RBFOX1: variants seen among roughly 807,000 people sequenced by gnomAD.
RBFOX1 encodes RNA binding fox-1 homolog 1.
Under a neutral mutation model 57.7 loss-of-function variants are expected in RBFOX1, and 8 were observed. The ratio of observed to expected loss-of-function variants is 0.14; its 90% confidence interval spans 0.08 to 0.25. The LOEUF (loss-of-function observed/expected upper bound fraction) is 0.25, where lower values mean the gene tolerates loss of function less well. Among genes scored for constraint, RBFOX1 ranks in the 10% least tolerant of loss-of-function variants. The pLI, the probability that RBFOX1 is intolerant of heterozygous loss-of-function variation, is 1.00. For synonymous variants in RBFOX1, 326 were observed against 222.4 expected (o/e 1.47, Z -4.15); for missense variants, 611 against 548.5 (o/e 1.11, Z -1.14).
At chr16:5,358,839 A>G (rs1287311172) in intron 1 of RBFOX1, among the ~76,000 whole-genome samples, 2 of 152,174 alleles carry the variant, frequency 1.3e-5, no homozygotes, top group Non-Finnish European at 2.9e-5. Context: ...AAAAAAAGAA[A>G]AAAAGTGCAA....
At chr16:6,595,884 T>A (rs1164466661) in intron 2 of RBFOX1, among the ~76,000 whole-genome samples, 1 of 152,206 alleles carries the variant, frequency 6.6e-6, no homozygotes, top group Non-Finnish European at 1.5e-5. Context: ...AAAAAAATAC[T>A]TCGCCAACTT....
chr16:5,294,506 G>A (rs946954800), intron 1 of RBFOX1, among the ~76,000 whole-genome samples: 1 of 151,992 alleles, frequency 6.6e-6, no homozygotes, highest in Non-Finnish European at 1.5e-5. Context: ...TCTAACAACC[G>A]GCTGCCTCAA....
chr16:7,327,795 C>A (rs2096630603), intron 4 of RBFOX1, among the ~76,000 whole-genome samples: 6 of 142,586 alleles, frequency 4.2e-5, no homozygotes, highest in Admixed American at 3.4e-4. Flanking sequence ...ATGAGATGCC[C>A]CCATTAAACA....
intron 1 of RBFOX1, among the ~76,000 whole-genome samples, chr16:6,220,433 A>G (rs1487497245): frequency 6.6e-6 from 1 of 152,222 alleles, no homozygotes; most frequent in Non-Finnish European, 1.5e-5. Flanking sequence ...AGAGAAAAGG[A>G]GGAATTATAC....
chr16:6,940,808 G>A (rs910300673), intron 3 of RBFOX1, among the ~76,000 whole-genome samples: 3 of 125,954 alleles, frequency 2.4e-5, no homozygotes, highest in Non-Finnish European at 3.4e-5. Flanking sequence ...GTGTGTGTGT[G>A]TGTAGCTGGG....
chr16:6,995,933 A>G (rs1390362929), intron 3 of RBFOX1, among the ~76,000 whole-genome samples: 1 of 152,160 alleles, frequency 6.6e-6, no homozygotes, highest in Non-Finnish European at 1.5e-5. Flanking sequence ...GGAAAAAACA[A>G]CCCAGTTCCT....
intron 2 of RBFOX1, among the ~76,000 whole-genome samples, chr16:6,448,396 A>G (rs776313319): frequency 1.3e-5 from 2 of 151,838 alleles, no homozygotes; most frequent in Non-Finnish European, 2.9e-5. Context: ...TGACCTTGTG[A>G]TCTGCCCGCC....
chr16:7,221,818 T>G (rs991770288), intron 4 of RBFOX1, among the ~76,000 whole-genome samples: 1 of 152,212 alleles, frequency 6.6e-6, no homozygotes, highest in Non-Finnish European at 1.5e-5. Context: ...AGAAAGCACA[T>G]ACAGAGGCCT....
chr16:6,946,739 A>G (rs530211275), intron 3 of RBFOX1, among the ~76,000 whole-genome samples: 41 of 152,174 alleles, frequency 2.7e-4, no homozygotes, highest in Middle Eastern at 3.4e-3. Flanking sequence ...AATAGCTGGG[A>G]CTACAGACTC....
At chr16:6,677,974 T>C (rs2058029340) in intron 3 of RBFOX1, among the ~76,000 whole-genome samples, 1 of 152,226 alleles carries the variant, frequency 6.6e-6, no homozygotes, top group Non-Finnish European at 1.5e-5. Flanking sequence ...AGAAATATAA[T>C]GTCAAACATA....
intron 1 of RBFOX1, among the ~76,000 whole-genome samples, chr16:5,240,429 G>A (rs1033269717): frequency 5.0e-4 from 76 of 152,256 alleles, no homozygotes; most frequent in East Asian, 3.9e-4. Context: ...GTTGCGCTGG[G>A]CATCCTGTCT....
rs184560725 is a variant in RBFOX1 at position 6,997,810 on chromosome 16, C to G, written c.-15-54247C>G. Among the ~76,000 whole-genome samples, 218 of 152,178 alleles carry G rather than the reference C, an allele frequency of 1.4e-3. 1 individual carries two copies. The highest frequency in any genetic ancestry group is 5.0e-3 in the African/African-American group (208 of 41,516). On this transcript the variant is annotated intron_variant, in intron 3 of 15. Transcript: ENST00000550418. ...TGTTTCTCTGAGGTAGGGTTTCTTG[C>G]TCTGTTAGTGCAAATAATTTGTCTT...
chr16:5,823,680 G>A (rs1050489719), intron 3 of RBFOX1, among the ~76,000 whole-genome samples: 1 of 152,084 alleles, frequency 6.6e-6, no homozygotes, highest in African/African-American at 2.4e-5. Context: ...TATCATAGGA[G>A]TGCAAATCCT....
chr16:5,512,736 A>T (rs1411463935), intron 2 of RBFOX1, among the ~76,000 whole-genome samples: 3 of 152,212 alleles, frequency 2.0e-5, no homozygotes, highest in Admixed American at 6.5e-5. Context: ...CTCTTGTGAC[A>T]CGTTCGTCAT....
chr16:6,481,067 A>G (rs146998675), intron 2 of RBFOX1, among the ~76,000 whole-genome samples: 1 of 152,312 alleles, frequency 6.6e-6, no homozygotes, highest in Non-Finnish European at 1.5e-5. Flanking sequence ...CTGTTTGATA[A>G]TAGGGTATGC....
intron 5 of RBFOX1, among the ~76,000 whole-genome samples, chr16:7,553,086 TCCTTCCTTTTTTCC>T (rs902056438): frequency 2.6e-5 from 4 of 152,134 alleles, no homozygotes. Context: ...ATTCCTTCCC[TCCTTCCTTTTTTCC>T]CCTTCCTTTT....
At chr16:7,637,097 C>A (rs1209918710) in intron 11 of RBFOX1, among the ~76,000 whole-genome samples, 1 of 152,128 alleles carries the variant, frequency 6.6e-6, no homozygotes, top group Admixed American at 6.5e-5. Flanking sequence ...AAAGCATTTT[C>A]TGGAAGAAAT....
At chr16:7,516,131 C>A (rs2076302066) in intron 4 of RBFOX1, among the ~76,000 whole-genome samples, 1 of 152,152 alleles carries the variant, frequency 6.6e-6, no homozygotes, top group African/African-American at 2.4e-5. Context: ...AGGCATGAGG[C>A]AACATGCCCA....
intron 3 of RBFOX1, among the ~76,000 whole-genome samples, chr16:7,036,142 CCTTCT>C (rs2044347172): frequency 1.3e-5 from 2 of 151,936 alleles, no homozygotes; most frequent in South Asian, 4.2e-4. Context: ...ACCTTGGGTG[CCTTCT>C]ATCCCTATTT....
Sources: allele counts gnomAD v4.1 joint callset (sites outside exome capture counted in the v4.1 genomes callset), GRCh38; gene constraint gnomAD v4.1.1; transcripts MANE v1.5; gene names NCBI Gene and HGNC (gene_info 2026-07-23, HGNC 2026-07-21).